CTNNA3: variants seen among roughly 807,000 people sequenced by gnomAD.
CTNNA3 encodes the protein catenin alpha-3.
In CTNNA3, 76 loss-of-function variants were observed where a neutral mutation model predicts 95.7. The ratio of observed to expected loss-of-function variants is 0.79; its 90% CI spans 0.66 to 0.96. The LOEUF is 0.96. Ranked by LOEUF, CTNNA3 falls within the 40% of genes least tolerant of loss-of-function variation. CTNNA3 has a pLI of 0.00. For synonymous variants in CTNNA3, 431 were observed against 374.4 expected (o/e 1.15, Z -1.74); for missense variants, 1,191 against 1,089.8 (o/e 1.09, Z -1.31).
At chr10:66,787,463 T>G (rs529166613) in intron 7 of CTNNA3, among the ~76,000 whole-genome samples, 40 of 152,198 alleles carry the variant, frequency 2.6e-4, no homozygotes, top group African/African-American at 9.6e-4. Context: ...ATTCACAGCT[T>G]TATCTCTATT....
intron 5 of CTNNA3, among the ~76,000 whole-genome samples, chr10:67,265,468 G>A (rs1033233950): frequency 1.3e-5 from 2 of 152,074 alleles, no homozygotes; most frequent in Non-Finnish European, 2.9e-5. Context: ...AGCAGGGAGG[G>A]GAAGCTATAA....
chr10:67,299,955 A>G (rs1329606322), intron 5 of CTNNA3, among the ~76,000 whole-genome samples: 3 of 152,240 alleles, frequency 2.0e-5, no homozygotes, highest in African/African-American at 7.2e-5. Context: ...TTTCATTCTT[A>G]GAACTACATC....
At chr10:67,751,480 T>C (rs182757505) in intron 1 of CTNNA3, among the ~76,000 whole-genome samples, 2 of 152,092 alleles carry the variant, frequency 1.3e-5, no homozygotes, top group South Asian at 4.1e-4. Flanking sequence ...CAAATGTCTG[T>C]CTGTCAAGCA....
chr10:66,672,970 A>T (rs941896641), intron 9 of CTNNA3, among the ~76,000 whole-genome samples: 5 of 152,010 alleles, frequency 3.3e-5, no homozygotes, highest in African/African-American at 1.2e-4. Flanking sequence ...TAAATATTTG[A>T]ATAATTTTCT....
chr10:66,805,510 TA>T (rs1390244482), intron 7 of CTNNA3, among the ~76,000 whole-genome samples: 1 of 146,416 alleles, frequency 6.8e-6, no homozygotes, highest in Non-Finnish European at 1.5e-5. Flanking sequence ...TATTTATACA[TA>T]TATATATATA....
chr10:66,571,208 C>G (rs1484544158), intron 10 of CTNNA3, among the ~76,000 whole-genome samples: 1 of 152,154 alleles, frequency 6.6e-6, no homozygotes. Context: ...TGTTCTGGAA[C>G]TTTCTGATGC....
intron 13 of CTNNA3, among the ~76,000 whole-genome samples, chr10:66,275,908 T>C (rs1173939857): frequency 6.6e-6 from 1 of 152,066 alleles, no homozygotes; most frequent in Non-Finnish European, 1.5e-5. Flanking sequence ...AAAGTTATAT[T>C]TAATTCCAGG....
Position 66,927,993 on chromosome 10 carries a change from C to T in CTNNA3, c.1048-152469G>A. The stretch of plus-strand genomic sequence containing the variant: ...TGATCGATGCAGTGAAGAACTACAG[C>T]ATCTGTGGCAAAAGTACTACAGAGA... On this transcript the variant is annotated intron_variant, in intron 7 of 17. Coordinates refer to ENST00000433211, the MANE Select transcript of CTNNA3 (RefSeq NM_013266.4). The surrounding 1 kb of genome is among the most constrained non-coding windows in gnomAD (Gnocchi z 4.7). 2 of 1,614,208 alleles carry T rather than the reference C, an allele frequency of 1.2e-6. No homozygotes were observed. The highest frequency in any genetic ancestry group is 1.7e-6 in the Non-Finnish European group (2 of 1,180,040).
At chr10:67,061,172 CT>C (rs1855735667) in intron 7 of CTNNA3, among the ~76,000 whole-genome samples, 1 of 152,150 alleles carries the variant, frequency 6.6e-6, no homozygotes, top group Non-Finnish European at 1.5e-5. Flanking sequence ...TATCACCTTG[CT>C]TCCTCTATGA....
chr10:66,122,008 T>G (rs1462096850), intron 13 of CTNNA3, among the ~76,000 whole-genome samples: 1 of 152,156 alleles, frequency 6.6e-6, no homozygotes, highest in African/African-American at 2.4e-5. Context: ...AATGACAACT[T>G]CCCACACAAC....
Position 66,199,797 on chromosome 10 carries a change from AT to A in CTNNA3, c.1884+80672del, listed in dbSNP as rs1564756350. ...TATATATATATATATATATATATAT[AT>A]ATATATATTTTTTTTTTTTTTTTTT... On this transcript the variant is annotated intron_variant, in intron 13 of 17. Transcript: ENST00000433211. Among the ~76,000 whole-genome samples, 159 of 16,402 alleles carry A rather than the reference AT, an allele frequency of 9.7e-3. 16 individuals carry two copies. Among genetic ancestry groups the A allele is most frequent in the African/African-American group, 0.025 (147 of 5,874 alleles). The allele number at this position is 16,402 out of a possible 152,430, so 10.8% of individuals were successfully genotyped here. A position where few individuals can be genotyped will look rare whatever the true frequency, so the allele number is the denominator to read the frequency against.
chr10:66,306,430 G>A (rs1487182721), intron 12 of CTNNA3, among the ~76,000 whole-genome samples: 1 of 140,866 alleles, frequency 7.1e-6, no homozygotes, highest in Non-Finnish European at 1.5e-5. Flanking sequence ...CAGCTTCAAC[G>A]CTGGTGTTTC....
intron 7 of CTNNA3, among the ~76,000 whole-genome samples, chr10:66,929,060 G>T (rs1182685504): frequency 6.6e-6 from 1 of 152,170 alleles, no homozygotes; most frequent in Non-Finnish European, 1.5e-5. Flanking sequence ...TTACAGTAAG[G>T]CAAGCACAGG....
At chr10:66,434,037 T>A (rs996716110) in intron 11 of CTNNA3, among the ~76,000 whole-genome samples, 2 of 152,232 alleles carry the variant, frequency 1.3e-5, no homozygotes, top group Non-Finnish European at 2.9e-5. Context: ...GCTGTTTTTG[T>A]TACTGCAGCC....
chr10:66,856,495 C>A (rs1843688749), intron 7 of CTNNA3, among the ~76,000 whole-genome samples: 1 of 151,866 alleles, frequency 6.6e-6, no homozygotes, highest in African/African-American at 2.4e-5. Context: ...CAAACTACTT[C>A]CCACAGTGAC....
intron 11 of CTNNA3, among the ~76,000 whole-genome samples, chr10:66,385,893 G>A (rs1022846930): frequency 6.6e-6 from 1 of 152,060 alleles, no homozygotes; most frequent in African/African-American, 2.4e-5. Flanking sequence ...ATTCAACAGT[G>A]CTTCATGCTA....
intron 5 of CTNNA3, among the ~76,000 whole-genome samples, chr10:67,412,228 T>C (rs1183872554): frequency 6.6e-6 from 1 of 152,170 alleles, no homozygotes; most frequent in African/African-American, 2.4e-5. Flanking sequence ...AGTGTAATTT[T>C]TAATTATGAC....
chr10:67,428,955 T>C (rs1277827900), intron 5 of CTNNA3, among the ~76,000 whole-genome samples: 1 of 151,958 alleles, frequency 6.6e-6, no homozygotes, highest in African/African-American at 2.4e-5. Context: ...ACTTAATAAA[T>C]GCCCATTTAT....
At chr10:66,418,211 T>C (rs192246841) in intron 11 of CTNNA3, among the ~76,000 whole-genome samples, 83 of 145,412 alleles carry the variant, frequency 5.7e-4, no homozygotes, top group Non-Finnish European at 1.5e-4. Context: ...ACAACAGAAA[T>C]ACAAAAGATC....
Sources: gnomAD v4.1 joint callset for allele counts (sites outside exome capture counted in the v4.1 genomes callset) on GRCh38, gnomAD v4.1.1 for gene constraint, Gnocchi (gnomAD v3.1) non-coding constraint, MANE v1.5 for transcripts, NCBI Gene and HGNC (gene_info 2026-07-23, HGNC 2026-07-21) for gene names.